CTNND2: variants seen among roughly 807,000 people sequenced by gnomAD.
The protein encoded by CTNND2 is catenin delta 2, also known as catenin delta-2.
A neutral mutation model predicts 144.4 loss-of-function variants in CTNND2; 22 were observed. The ratio of observed to expected loss-of-function variants is 0.15; its 90% CI spans 0.11 to 0.22. The LOEUF is 0.22. Among genes scored for constraint, CTNND2 ranks in the 10% least tolerant of loss-of-function variants. The pLI, the probability that CTNND2 is intolerant of heterozygous loss-of-function variation, is 1.00. For synonymous variants in CTNND2, 751 were observed against 695.6 expected (o/e 1.08, Z -1.25); for missense variants, 1,353 against 1,618.8 (o/e 0.84, Z 2.82).
At chr5:11,128,058 A>G (rs1299877046) in intron 12 of CTNND2, among the ~76,000 whole-genome samples, 1 of 152,068 alleles carries the variant, frequency 6.6e-6, no homozygotes, top group Non-Finnish European at 1.5e-5. Context: ...AGATGGAATT[A>G]AGGTTACAAT....
At chr5:11,148,624 T>A (rs543134406) in intron 12 of CTNND2, among the ~76,000 whole-genome samples, 1 of 152,328 alleles carries the variant, frequency 6.6e-6, no homozygotes, top group African/African-American at 2.4e-5. Flanking sequence ...TCCAGCAGCG[T>A]CCCTGCCTCA....
intron 12 of CTNND2, among the ~76,000 whole-genome samples, chr5:11,127,473 T>G (rs1754790872): frequency 6.6e-6 from 1 of 152,200 alleles, no homozygotes; most frequent in South Asian, 2.1e-4. Context: ...GCCTGATGCA[T>G]TCAAGTCCCT....
At chr5:11,481,713 G>A (rs538843958) in intron 3 of CTNND2, among the ~76,000 whole-genome samples, 20 of 152,200 alleles carry the variant, frequency 1.3e-4, no homozygotes, top group African/African-American at 4.3e-4. Context: ...GGAATTATCT[G>A]GGTGCCTCAC....
chr5:11,820,346 C>A (rs1793244059), intron 1 of CTNND2, among the ~76,000 whole-genome samples: 1 of 152,168 alleles, frequency 6.6e-6, no homozygotes, highest in African/African-American at 2.4e-5. Flanking sequence ...GGGACTATAA[C>A]CCTTAAGGCT....
At chr5:11,207,782 C>T (rs1387502890) in intron 10 of CTNND2, among the ~76,000 whole-genome samples, 2 of 152,156 alleles carry the variant, frequency 1.3e-5, no homozygotes, top group Non-Finnish European at 2.9e-5. Context: ...AGAAAACCTG[C>T]CACTACTATG....
chr5:11,769,910 T>TG (rs767135228), intron 1 of CTNND2, among the ~76,000 whole-genome samples: 1 of 152,214 alleles, frequency 6.6e-6, no homozygotes, highest in Non-Finnish European at 1.5e-5. Flanking sequence ...CATTTTCCAA[T>TG]TATAAAATTA....
Position 11,549,110 on chromosome 5 carries a change from G to C in CTNND2, c.287+15834C>G, listed in dbSNP as rs553512099. On this transcript the variant is annotated intron_variant, in intron 3 of 21. Coordinates refer to ENST00000304623, the MANE Select transcript of CTNND2 (RefSeq NM_001332.4). ...TTAATTGGCCTGTCATGCTTAGGAG[G>C]GTTAGCTTGATATATGTCTTGTTAT... 2.6e-5 allele frequency among the ~76,000 whole-genome samples: 4 copies of C among 152,238 alleles called. No individual in the cohort carries two copies. In the South Asian group the frequency reaches 8.3e-4, roughly 32 times the overall value.
At chr5:11,282,505 G>A (rs1747262104) in intron 9 of CTNND2, among the ~76,000 whole-genome samples, 1 of 152,092 alleles carries the variant, frequency 6.6e-6, no homozygotes, top group Non-Finnish European at 1.5e-5. Context: ...CCATAAAGAT[G>A]AACGCTACAG....
At chr5:11,018,420 C>G (rs1645908153) in intron 17 of CTNND2, among the ~76,000 whole-genome samples, 1 of 152,136 alleles carries the variant, frequency 6.6e-6, no homozygotes, top group African/African-American at 2.4e-5. Flanking sequence ...ACGCCTCTTA[C>G]TTTAAATCAA....
chr5:11,357,818 C>A (rs55806466), intron 8 of CTNND2, among the ~76,000 whole-genome samples: 33,246 of 151,894 alleles, frequency 0.22, 3,925 homozygotes, highest in South Asian at 0.3. Flanking sequence ...GTACATGTGT[C>A]ATTACAATGT....
chr5:11,147,493 G>C (rs767009384), intron 12 of CTNND2, among the ~76,000 whole-genome samples: 25 of 152,290 alleles, frequency 1.6e-4, no homozygotes, highest in Middle Eastern at 3.4e-3. Flanking sequence ...GGCCCCACAT[G>C]AGGCTGGAGA....
chr5:11,432,579 T>C (rs77834014), intron 3 of CTNND2, among the ~76,000 whole-genome samples: 2,012 of 152,260 alleles, frequency 0.013, 82 homozygotes, highest in East Asian at 0.11. Flanking sequence ...AGTTCTGCTG[T>C]GGTGGTGAAG....
intron 7 of CTNND2, among the ~76,000 whole-genome samples, chr5:11,383,132 T>C (rs1286874206): frequency 1.3e-5 from 2 of 151,916 alleles, no homozygotes; most frequent in African/African-American, 2.4e-5. Context: ...AAATCACCCA[T>C]GGGAGAAAGA....
intron 9 of CTNND2, among the ~76,000 whole-genome samples, chr5:11,327,860 G>C (rs1206810414): frequency 6.6e-6 from 1 of 152,174 alleles, no homozygotes; most frequent in African/African-American, 2.4e-5. Flanking sequence ...CCAGCACCCA[G>C]GTCTTAGAAC....
chr5:11,828,855 T>C (rs1436439988), intron 1 of CTNND2, among the ~76,000 whole-genome samples: 1 of 152,082 alleles, frequency 6.6e-6, no homozygotes, highest in African/African-American at 2.4e-5. Flanking sequence ...GCAGGGAAAT[T>C]GGGAAAGACT....
rs187177836 is a variant in CTNND2 at position 11,117,685 on chromosome 5, T to C, written c.2160-118A>G. 4.4e-4 allele frequency: 334 copies of C among 760,294 alleles called. No homozygotes were observed. In the African/African-American group the frequency reaches 4.5e-3, roughly 10 times the overall value. 47.1% of individuals were successfully genotyped at this position (760,294 alleles called of 1,614,324 possible). On this transcript the variant is annotated intron_variant, in intron 12 of 21. Coordinates refer to ENST00000304623, the MANE Select transcript of CTNND2 (RefSeq NM_001332.4). ...TGCATTTTTCCCCACTTTTTCAGAA[T>C]GCTTATCAAGAATATATCTTTAATG...
At chr5:11,295,442 A>C (rs918060428) in intron 9 of CTNND2, among the ~76,000 whole-genome samples, 2 of 152,198 alleles carry the variant, frequency 1.3e-5, no homozygotes, top group African/African-American at 4.8e-5. Context: ...CATCCCCATC[A>C]AGCTACCAAT....
At chr5:11,569,957 T>C (rs1339268608) in intron 2 of CTNND2, among the ~76,000 whole-genome samples, 2 of 152,206 alleles carry the variant, frequency 1.3e-5, no homozygotes, top group Non-Finnish European at 2.9e-5. Flanking sequence ...CAGCTATTTA[T>C]AAGCAATGCA....
At chr5:11,802,968 G>A (rs1021998093) in intron 1 of CTNND2, among the ~76,000 whole-genome samples, 1 of 152,132 alleles carries the variant, frequency 6.6e-6, no homozygotes, top group African/African-American at 2.4e-5. Context: ...AGAAGAGAGG[G>A]GAATATTCTC....
Sources: gnomAD v4.1 joint callset for allele counts (sites outside exome capture counted in the v4.1 genomes callset) on GRCh38, gnomAD v4.1.1 for gene constraint, MANE v1.5 for transcripts, NCBI Gene and HGNC (gene_info 2026-07-23, HGNC 2026-07-21) for gene names.